Variants in DPP10 observed in about 807,000 individuals in gnomAD.
DPP10 encodes inactive dipeptidyl peptidase 10.
Under a neutral mutation model 120.9 loss-of-function variants are expected in DPP10, and 33 were observed. That is an observed-to-expected ratio of 0.27 (90% CI 0.21 to 0.37). The LOEUF (loss-of-function observed/expected upper bound fraction) is 0.37, where lower values mean the gene tolerates loss of function less well. Ranked by LOEUF, DPP10 falls within the 10% of genes least tolerant of loss-of-function variation. The pLI, the probability that DPP10 is intolerant of heterozygous loss-of-function variation, is 1.00. For synonymous variants in DPP10, 337 were observed against 326.1 expected (o/e 1.03, Z -0.36); for missense variants, 816 against 942.8 (o/e 0.87, Z 1.76).
chr2:114,865,750 A>C (rs1180945544), intron 1 of DPP10, among the ~76,000 whole-genome samples: 1 of 152,154 alleles, frequency 6.6e-6, no homozygotes, highest in African/African-American at 2.4e-5. Context: ...AACCATTAGT[A>C]ATACTTAACC....
At chr2:115,812,108 A>G (rs2150025009) in intron 19 of DPP10, among the ~76,000 whole-genome samples, 1 of 152,336 alleles carries the variant, frequency 6.6e-6, no homozygotes, top group African/African-American at 2.4e-5. Flanking sequence ...CATTATAGAC[A>G]CAGACTGAGT....
intron 1 of DPP10, among the ~76,000 whole-genome samples, chr2:114,733,953 T>G (rs1004453593): frequency 6.6e-6 from 1 of 152,160 alleles, no homozygotes. Context: ...AGCTCTGATT[T>G]TTTTATTTGC....
chr2:115,283,857 C>T (rs7598070), intron 1 of DPP10, among the ~76,000 whole-genome samples: 120,101 of 151,904 alleles, frequency 0.79, 47,751 homozygotes, highest in East Asian at 0.89. Flanking sequence ...AGTGTTACAA[C>T]TGCCTGTAGT....
intron 1 of DPP10, among the ~76,000 whole-genome samples, chr2:114,934,666 A>G (rs1696326121): frequency 6.6e-6 from 1 of 151,846 alleles, no homozygotes; most frequent in Admixed American, 6.6e-5. Flanking sequence ...GGTTTAGACT[A>G]CAAAGGGCAA....
chr2:115,273,068 G>A (rs1300916852), intron 1 of DPP10, among the ~76,000 whole-genome samples: 1 of 151,972 alleles, frequency 6.6e-6, no homozygotes, highest in Non-Finnish European at 1.5e-5. Context: ...TTTGGAAATA[G>A]ATAGATGAGA....
intron 1 of DPP10, among the ~76,000 whole-genome samples, chr2:114,675,398 T>G (rs141258604): frequency 6.6e-6 from 1 of 152,134 alleles, no homozygotes; most frequent in Admixed American, 6.6e-5. Flanking sequence ...AAATTGTCAG[T>G]CAATTAGCAA....
chr2:115,746,577 C>T (rs778699230), intron 10 of DPP10, among the ~76,000 whole-genome samples: 24 of 152,090 alleles, frequency 1.6e-4, no homozygotes, highest in Non-Finnish European at 2.9e-4. Flanking sequence ...ACTTTCTCCC[C>T]ATAGTTTTGC....
intron 1 of DPP10, among the ~76,000 whole-genome samples, chr2:115,285,642 A>T (rs758200926): frequency 3.3e-5 from 5 of 152,008 alleles, no homozygotes; most frequent in Admixed American, 2.0e-4. Flanking sequence ...ACGTTGTTAA[A>T]TTGTTCAGTC....
intron 1 of DPP10, among the ~76,000 whole-genome samples, chr2:115,113,426 A>C (rs2104693757): frequency 6.6e-6 from 1 of 150,982 alleles, no homozygotes; most frequent in South Asian, 2.1e-4. Flanking sequence ...TATCTTAGAC[A>C]CGTTTTTTGC....
intron 1 of DPP10, among the ~76,000 whole-genome samples, chr2:114,794,324 G>A (rs1683505400): frequency 6.6e-6 from 1 of 152,150 alleles, no homozygotes; most frequent in Non-Finnish European, 1.5e-5. Context: ...GAGAACCACC[G>A]ACATTTGTCT....
chr2:115,478,771 A>T (rs1334920283), intron 3 of DPP10, among the ~76,000 whole-genome samples: 1 of 152,210 alleles, frequency 6.6e-6, no homozygotes, highest in Non-Finnish European at 1.5e-5. Context: ...CCAAAAAGAT[A>T]TGCAAATATC....
At chr2:115,049,089 A>T (rs181830446) in intron 1 of DPP10, among the ~76,000 whole-genome samples, 7 of 152,108 alleles carry the variant, frequency 4.6e-5, no homozygotes, top group African/African-American at 1.7e-4. Context: ...ACAATTTTTT[A>T]ATACATAATA....
chr2:114,806,852 A>G (rs1684770950), intron 1 of DPP10, among the ~76,000 whole-genome samples: 1 of 152,148 alleles, frequency 6.6e-6, no homozygotes, highest in Admixed American at 6.5e-5. Flanking sequence ...TGAACTCTCC[A>G]GCCCTATCTA....
chr2:114,536,750 AG>A (rs1321147624), intron 1 of DPP10, among the ~76,000 whole-genome samples: 2 of 152,046 alleles, frequency 1.3e-5, no homozygotes, highest in East Asian at 3.9e-4. Context: ...TCTGGGCCTC[AG>A]CTATGTCATT....
At chr2:115,611,011 A>G (rs1411907523) in intron 5 of DPP10, among the ~76,000 whole-genome samples, 1 of 152,134 alleles carries the variant, frequency 6.6e-6, no homozygotes, top group Admixed American at 6.6e-5. Context: ...CAACATATCG[A>G]TATTATATCA....
At chr2:115,403,350 T>C (rs948886863) in intron 3 of DPP10, among the ~76,000 whole-genome samples, 4 of 150,300 alleles carry the variant, frequency 2.7e-5, no homozygotes, top group Non-Finnish European at 4.4e-5. Flanking sequence ...CGATGCTCAC[T>C]GTCACTACTT....
rs139156366 is a variant in DPP10, at chr2:115,137,117, G to A, written c.61-172122G>A. On this transcript the variant is annotated intron_variant, in intron 1 of 25. Transcript: ENST00000410059. ...GGAGGGAGAGAGGAGTTGGTGGGAA[G>A]AGGAGGTCATCTGTGCTAATGGAAA... Among the ~76,000 whole-genome samples the A allele has an allele frequency of 9.8e-5, 15 of 152,292 alleles. 1 individual carries two copies. Among genetic ancestry groups the A allele is most frequent in the Admixed American group, 9.8e-4 (15 of 15,284 alleles).
chr2:114,468,551 G>A (rs1679626470), intron 1 of DPP10, among the ~76,000 whole-genome samples: 1 of 152,118 alleles, frequency 6.6e-6, no homozygotes, highest in Non-Finnish European at 1.5e-5. Context: ...ACAAATGGTG[G>A]TTATGTTTCC....
chr2:115,532,360 A>G (rs2078521385), intron 5 of DPP10, among the ~76,000 whole-genome samples: 1 of 152,048 alleles, frequency 6.6e-6, no homozygotes, highest in South Asian at 2.1e-4. Flanking sequence ...TCTTAGCTCC[A>G]AAGTCCCTAG....
Sources: gnomAD v4.1 joint callset for allele counts (sites outside exome capture counted in the v4.1 genomes callset) on GRCh38, gnomAD v4.1.1 for gene constraint, MANE v1.5 for transcripts, NCBI Gene and HGNC (gene_info 2026-07-23, HGNC 2026-07-21) for gene names.